The following C8orf34 variants were observed in gnomAD, a reference collection of about 807,000 sequenced individuals.
C8orf34 encodes the protein uncharacterized protein C8orf34.
In C8orf34, 65 loss-of-function variants were observed where a neutral mutation model predicts 68.3. That is an observed-to-expected ratio of 0.95 (90% CI 0.78 to 1.17). C8orf34 has a LOEUF of 1.17. Among genes scored for constraint, C8orf34 ranks in the 50% most tolerant of loss-of-function variants. The probability of loss-of-function intolerance (pLI) is 0.00; values close to 1 mark genes in which losing one functional copy is unlikely to be tolerated. For synonymous variants in C8orf34, 244 were observed against 241.2 expected, an observed-to-expected ratio of 1.01 and a Z score of -0.11; for missense variants, 664 against 655.4, an observed-to-expected ratio of 1.01 and a Z score of -0.14.
At chr8:68,566,316 C>T (rs948980753) in intron 7 of C8orf34, among the ~76,000 whole-genome samples, 7 of 152,156 alleles carry the variant, frequency 4.6e-5, no homozygotes, top group African/African-American at 1.4e-4. Context: ...ATCTCCCAGC[C>T]TCCACCCTCA....
intron 13 of C8orf34, 138 bp downstream of exon 13, chr8:68,816,083 T>C: frequency 7.3e-7 from 1 of 1,368,342 alleles, no homozygotes. Context: ...GTATCCTGCA[T>C]AAGATTATAA....
intron 4 of C8orf34, 97 bp downstream of exon 4, chr8:68,468,917 T>A (rs1397039045): frequency 7.5e-7 from 1 of 1,332,112 alleles, no homozygotes; most frequent in Non-Finnish European, 1.0e-6. Context: ...AACATCCTCA[T>A]TCTAATTCTG....
At chr8:68,485,273 G>A (rs942977215) in intron 4 of C8orf34, among the ~76,000 whole-genome samples, 1 of 152,118 alleles carries the variant, frequency 6.6e-6, no homozygotes, top group Non-Finnish European at 1.5e-5. Context: ...CTGGAACAGT[G>A]ATATATTGCC....
Position 68,513,761 on chromosome 8 carries a change from C to T in C8orf34, c.766-8038C>T, listed in dbSNP as rs574115814. Among the ~76,000 whole-genome samples the T allele has an allele frequency of 3.9e-5, 6 of 152,304 alleles. No individual in the cohort carries two copies. In the East Asian group the frequency reaches 1.2e-3, roughly 30 times the overall value. On this transcript the variant is annotated intron_variant, in intron 5 of 13. Coordinates refer to ENST00000518698, the MANE Select transcript of C8orf34 (RefSeq NM_052958.4). ...CGCAGTGGCAGCACATGGCTGGGAA[C>T]CAGCCAGTTGGCTGTGTGGGACCTT...
chr8:68,336,461 TCA>T (rs1304637117), intron 1 of C8orf34, among the ~76,000 whole-genome samples: 1 of 152,016 alleles, frequency 6.6e-6, no homozygotes, highest in African/African-American at 2.4e-5. Context: ...GACATAGGAG[TCA>T]CAGAGATAGT....
Position 68,730,250 on chromosome 8 carries a change from A to T in C8orf34, c.1404+8813A>T, listed in dbSNP as rs148653673. Among the ~76,000 whole-genome samples the T allele has an allele frequency of 2.7e-3, 408 of 152,258 alleles. 2 individuals carry two copies. The highest frequency in any genetic ancestry group is 3.2e-3 in the Non-Finnish European group (219 of 67,994). On this transcript the variant is annotated intron_variant, in intron 10 of 13. Coordinates refer to ENST00000518698, the MANE Select transcript of C8orf34 (RefSeq NM_052958.4). ...TAGTGTTGGCAAATTGCTGGCGGCTAATTGTAGCAATGAAATTTATGTTAA... is the reference window on the plus strand; with the variant it reads ...TAGTGTTGGCAAATTGCTGGCGGCTTATTGTAGCAATGAAATTTATGTTAA...
At chr8:68,718,879 C>T (rs930549402) in intron 9 of C8orf34, among the ~76,000 whole-genome samples, 1 of 152,222 alleles carries the variant, frequency 6.6e-6, no homozygotes, top group East Asian at 1.9e-4. Context: ...CTTTATCTTT[C>T]CATGCTTCAG....
At chr8:68,486,648 G>C (rs1414915779) in intron 4 of C8orf34, among the ~76,000 whole-genome samples, 1 of 152,056 alleles carries the variant, frequency 6.6e-6, no homozygotes, top group Non-Finnish European at 1.5e-5. Context: ...AGTGGTGTGG[G>C]AGATGATATA....
intron 1 of C8orf34, among the ~76,000 whole-genome samples, chr8:68,332,444 G>C (rs1805664945): frequency 6.7e-6 from 1 of 149,256 alleles, no homozygotes; most frequent in Admixed American, 6.7e-5. Flanking sequence ...GGTTTGGGGT[G>C]AGGGCTTGGT....
chr8:68,482,489 G>A (rs1027622299), intron 4 of C8orf34, among the ~76,000 whole-genome samples: 2 of 152,084 alleles, frequency 1.3e-5, no homozygotes, highest in African/African-American at 4.8e-5. Flanking sequence ...TGCCCAGGCT[G>A]GTCTCGAACT....
chr8:68,711,208 G>A lies in C8orf34; in HGVS notation c.1327+2129G>A, dbSNP rs76122312. 5.3e-3 allele frequency among the ~76,000 whole-genome samples: 801 copies of A among 152,154 alleles called. 6 individuals carry two copies. Among genetic ancestry groups the A allele is most frequent in the Middle Eastern group, 0.024 (7 of 294 alleles). ...ACATCTTCCTTCTAACATAGTCTGCGCAAATTATAAGGAACCAGTAAAACA... is the reference window on the plus strand; with the variant it reads ...ACATCTTCCTTCTAACATAGTCTGCACAAATTATAAGGAACCAGTAAAACA... On this transcript the variant is annotated intron_variant, in intron 9 of 13. Transcript: ENST00000518698.
intron 3 of C8orf34, among the ~76,000 whole-genome samples, chr8:68,453,993 G>A (rs565083800): frequency 3.9e-5 from 6 of 151,972 alleles, no homozygotes; most frequent in Middle Eastern, 3.4e-3. Context: ...GAAGTGTGTC[G>A]CATTTTTTTC....
At chr8:68,509,065 A>T (rs918295465) in intron 5 of C8orf34, among the ~76,000 whole-genome samples, 15 of 152,106 alleles carry the variant, frequency 9.9e-5, no homozygotes, top group African/African-American at 3.4e-4. Flanking sequence ...CCCCTCTCCC[A>T]CCTGGCTTTC....
chr8:68,647,774 A>G (rs955148841), intron 8 of C8orf34, among the ~76,000 whole-genome samples: 1 of 152,216 alleles, frequency 6.6e-6, no homozygotes, highest in African/African-American at 2.4e-5. Context: ...TAAATATATC[A>G]CATGACGTTA....
intron 10 of C8orf34, among the ~76,000 whole-genome samples, chr8:68,755,537 C>T (rs1018705970): frequency 1.3e-5 from 2 of 152,116 alleles, no homozygotes; most frequent in African/African-American, 4.8e-5. Flanking sequence ...AAACTGCTGC[C>T]GGGAGGCTCA....
chr8:68,551,552 T>TTTTG (rs769975859), intron 7 of C8orf34, among the ~76,000 whole-genome samples: 8 of 152,014 alleles, frequency 5.3e-5, no homozygotes, highest in Non-Finnish European at 1.0e-4. Context: ...ATAGGAGGTT[T>TTTTG]TTTGTTTGTT....
At chr8:68,534,894 A>G in intron 7 of C8orf34, 1 of 985,414 alleles carries the variant, frequency 1.0e-6, no homozygotes, top group South Asian at 4.7e-5. Context: ...AATGATGAGC[A>G]ATTAATAACT....
At chr8:68,710,666 TG>T (rs1821306375) in intron 9 of C8orf34, among the ~76,000 whole-genome samples, 2 of 152,154 alleles carry the variant, frequency 1.3e-5, no homozygotes, top group African/African-American at 4.8e-5. Flanking sequence ...CACCTATCTC[TG>T]CTCCCAACTG....
intron 1 of C8orf34, among the ~76,000 whole-genome samples, chr8:68,373,439 A>G (rs911184476): frequency 5.3e-5 from 8 of 152,196 alleles, no homozygotes; most frequent in African/African-American, 1.9e-4. Context: ...TCTTTCTCTT[A>G]TATCGGCTAC....
Sources: allele counts gnomAD v4.1 joint callset (sites outside exome capture counted in the v4.1 genomes callset), GRCh38; gene constraint gnomAD v4.1.1; transcripts MANE v1.5; gene names NCBI Gene and HGNC (gene_info 2026-07-23, HGNC 2026-07-21).